Variants in WWOX observed in about 807,000 individuals in gnomAD.
The protein encoded by WWOX is WW domain-containing oxidoreductase.
Under a neutral mutation model 46.2 loss-of-function variants are expected in WWOX, and 69 were observed. The ratio of observed to expected loss-of-function variants is 1.49; its 90% CI spans 1.23 to 1.82. The LOEUF (loss-of-function observed/expected upper bound fraction) is 1.82, where lower values mean the gene tolerates loss of function less well. Ranked by LOEUF, WWOX falls within the 40% of genes most tolerant of loss-of-function variation. The pLI, the probability that WWOX is intolerant of heterozygous loss-of-function variation, is 0.00. For synonymous variants in WWOX, 359 were observed against 202.6 expected (o/e 1.77, Z -6.56); for missense variants, 919 against 542.6 (o/e 1.69, Z -6.89).
At chr16:78,196,614 G>A (rs113155230) in intron 5 of WWOX, among the ~76,000 whole-genome samples, 57 of 152,308 alleles carry the variant, frequency 3.7e-4, no homozygotes, top group South Asian at 1.5e-3. Flanking sequence ...TGTTGGGGAG[G>A]TTGTGCTTTG....
chr16:78,531,300 G>C (rs1306742169), intron 8 of WWOX, among the ~76,000 whole-genome samples: 1 of 152,144 alleles, frequency 6.6e-6, no homozygotes, highest in African/African-American at 2.4e-5. Flanking sequence ...GGTTGCATTA[G>C]TATTTATTTC....
intron 8 of WWOX, among the ~76,000 whole-genome samples, chr16:78,564,009 T>G (rs2044503360): frequency 6.6e-6 from 1 of 152,178 alleles, no homozygotes; most frequent in Non-Finnish European, 1.5e-5. Context: ...CCCTTTTACT[T>G]CTGGGTGCGA....
intron 8 of WWOX, among the ~76,000 whole-genome samples, chr16:78,476,045 T>C (rs950934897): frequency 2.0e-5 from 3 of 152,174 alleles, no homozygotes; most frequent in Non-Finnish European, 4.4e-5. Flanking sequence ...TGTAAAATGA[T>C]CACTCCCCAG....
intron 5 of WWOX, among the ~76,000 whole-genome samples, chr16:78,227,979 G>T (rs1167914050): frequency 1.3e-5 from 2 of 152,112 alleles, no homozygotes; most frequent in African/African-American, 2.4e-5. Context: ...TTCACCACAA[G>T]ATGTCACCAG....
intron 8 of WWOX, among the ~76,000 whole-genome samples, chr16:78,802,869 T>C (rs115500800): frequency 0.011 from 1,409 of 128,800 alleles, 23 homozygotes; most frequent in African/African-American, 0.04. Context: ...TGAGACAAGA[T>C]GATGCCATTG....
chr16:78,307,872 T>C (rs1446308061), intron 5 of WWOX, among the ~76,000 whole-genome samples: 1 of 152,184 alleles, frequency 6.6e-6, no homozygotes, highest in Non-Finnish European at 1.5e-5. Context: ...TGTTAAAGAC[T>C]GTACCTTAAA....
intron 8 of WWOX, among the ~76,000 whole-genome samples, chr16:78,871,460 G>C (rs1057051033): frequency 6.6e-6 from 1 of 152,200 alleles, no homozygotes; most frequent in Non-Finnish European, 1.5e-5. Context: ...ACAGTTTCCA[G>C]TGCTTCTGCA....
chr16:78,784,771 A>G (rs2050413993), intron 8 of WWOX, among the ~76,000 whole-genome samples: 1 of 152,130 alleles, frequency 6.6e-6, no homozygotes, highest in Non-Finnish European at 1.5e-5. Flanking sequence ...AGTGACTGCA[A>G]GGTCAGCTCC....
intron 8 of WWOX, among the ~76,000 whole-genome samples, chr16:78,820,225 C>G (rs780111017): frequency 1.3e-4 from 20 of 152,098 alleles, no homozygotes; most frequent in Admixed American, 7.2e-4. Context: ...CAAGAACAGT[C>G]ATGGACACTG....
At chr16:78,276,061 A>T (rs2151850557) in intron 5 of WWOX, among the ~76,000 whole-genome samples, 1 of 152,324 alleles carries the variant, frequency 6.6e-6, no homozygotes, top group Non-Finnish European at 1.5e-5. Context: ...TTTCTGAGAC[A>T]GACTGACAGT....
At chr16:78,857,474 C>A (rs1280126728) in intron 8 of WWOX, among the ~76,000 whole-genome samples, 1 of 152,122 alleles carries the variant, frequency 6.6e-6, no homozygotes, top group African/African-American at 2.4e-5. Flanking sequence ...CAGCCTCATT[C>A]CTGATAAATT....
At chr16:78,924,687 T>G (rs1214354229) in intron 8 of WWOX, among the ~76,000 whole-genome samples, 1 of 152,234 alleles carries the variant, frequency 6.6e-6, no homozygotes, top group Non-Finnish European at 1.5e-5. Context: ...GGCTTCTGTG[T>G]GGGAGAGTAA....
intron 5 of WWOX, among the ~76,000 whole-genome samples, chr16:78,190,227 C>G (rs535402291): frequency 1.3e-5 from 2 of 152,294 alleles, no homozygotes. Flanking sequence ...AATCTCTTAT[C>G]TGAAGGCCTA....
At chr16:78,461,897 A>T (rs1215002979) in intron 8 of WWOX, among the ~76,000 whole-genome samples, 1 of 152,164 alleles carries the variant, frequency 6.6e-6, no homozygotes, top group African/African-American at 2.4e-5. Flanking sequence ...GCATTTAAGG[A>T]AATATTGTTG....
chr16:78,379,023 G>A (rs576205371), intron 5 of WWOX, among the ~76,000 whole-genome samples: 14 of 152,224 alleles, frequency 9.2e-5, no homozygotes, highest in East Asian at 3.9e-4. Flanking sequence ...TTGGCAACAC[G>A]TATCTGTGTC....
chr16:78,256,387 C>T (rs943323031), intron 5 of WWOX, among the ~76,000 whole-genome samples: 1 of 151,870 alleles, frequency 6.6e-6, no homozygotes, highest in Non-Finnish European at 1.5e-5. Flanking sequence ...TCTCTCTGAC[C>T]CTACCTTCCA....
In WWOX at chr16:78,751,742, G is replaced by A. The variant is rs1344686328; in HGVS notation, c.1056+318990G>A. ...CGTAGACATGTTGTGATGAAAGAAGGAAAGGAAGGAAGGAAGGAGGAAGGG... is the reference window on the plus strand; with the variant it reads ...CGTAGACATGTTGTGATGAAAGAAGAAAAGGAAGGAAGGAAGGAGGAAGGG... On this transcript the variant is annotated intron_variant, in intron 8 of 8. Coordinates refer to ENST00000566780, the MANE Select transcript of WWOX (RefSeq NM_016373.4). Among the ~76,000 whole-genome samples the A allele has an allele frequency of 5.3e-5, 8 of 151,522 alleles. No individual in the cohort carries two copies. The South Asian group carries it at 8.4e-4, about 16-fold the overall frequency.
At chr16:78,400,967 C>G (rs1004956566) in intron 6 of WWOX, among the ~76,000 whole-genome samples, 3 of 152,248 alleles carry the variant, frequency 2.0e-5, no homozygotes, top group East Asian at 3.9e-4. Flanking sequence ...GGACTACATG[C>G]CTGCACCATC....
At chr16:78,910,761 C>G (rs1407004241) in intron 8 of WWOX, among the ~76,000 whole-genome samples, 1 of 151,880 alleles carries the variant, frequency 6.6e-6, no homozygotes, top group Non-Finnish European at 1.5e-5. Context: ...GACTTACTCA[C>G]TATCACAGAA....
Sources: gnomAD v4.1 joint callset for allele counts (sites outside exome capture counted in the v4.1 genomes callset) on GRCh38, gnomAD v4.1.1 for gene constraint, MANE v1.5 for transcripts, NCBI Gene and HGNC (gene_info 2026-07-23, HGNC 2026-07-21) for gene names.